The following SDK2 variants were observed in gnomAD, a reference collection of about 807,000 sequenced individuals.
The protein encoded by SDK2 is sidekick cell adhesion molecule 2.
SDK2 carries 105 observed loss-of-function variants against 253.9 expected under a neutral mutation model. The ratio of observed to expected loss-of-function variants is 0.41; its 90% CI spans 0.35 to 0.49. The LOEUF is 0.49. SDK2 is among the 20% of genes least tolerant of loss of function. The pLI, the probability that SDK2 is intolerant of heterozygous loss-of-function variation, is 0.06. For synonymous variants in SDK2, 1,249 were observed against 1,234.9 expected, an observed-to-expected ratio of 1.01 and a Z score of -0.24; for missense variants, 2,608 against 3,003.0, an observed-to-expected ratio of 0.87 and a Z score of 3.07.
Position 73,337,482 on chromosome 17 carries a change from T to C in SDK2, c.*1105A>G, listed in dbSNP as rs2062389783. On this transcript the variant is annotated 3_prime_UTR_variant, in exon 45 of 45. Transcript: ENST00000392650. ...TTCTGGAGAGGATCCCTAGACCCTG[T>C]TCCTTGTAAGTGCATGGGAGATGTG... 1 of 148,840 alleles carries C rather than the reference T, an allele frequency of 6.7e-6. No homozygotes were observed. The allele number at this position is 148,840 out of a possible 1,614,324, so 9.2% of individuals were successfully genotyped here. A position where few individuals can be genotyped will look rare whatever the true frequency, so the allele number is the denominator to read the frequency against.
intron 1 of SDK2, among the ~76,000 whole-genome samples, chr17:73,515,402 C>A (rs1214464848): frequency 6.6e-6 from 1 of 152,192 alleles, no homozygotes; most frequent in Non-Finnish European, 1.5e-5. Flanking sequence ...CTCCAGCCTG[C>A]GATGTCACAG....
In SDK2 at chr17:73,361,690, C is replaced by T. The variant is rs541199916; in HGVS notation, c.5461G>A (p.Gly1821Arg). 137 of 1,611,448 alleles carry T rather than the reference C, an allele frequency of 8.5e-5. No homozygotes were observed. The South Asian group carries it at 1.4e-3, about 16-fold the overall frequency. Residue 1821 changes from glycine (G) to arginine (R), a missense_variant, in exon 39 of 45, where the codon GGA (glycine) becomes AGA (arginine). Physicochemically the swap from Gly to Arg is moderately radical, Grantham distance 125. This residue lies in a region of SDK2 where 1,103 missense variants were observed against 1,143.9 expected (regional missense o/e 0.96). Transcript: ENST00000392650. This position sits in a 1 kb window ranked among gnomAD's most constrained non-coding sequence, Gnocchi z 4.1. ...TGGTCCGTTGCTCTCCTACCTTCTCCGGGGCCCGTGGTGACGTTGGCTTCG... is the reference window on the plus strand; with the variant it reads ...TGGTCCGTTGCTCTCCTACCTTCTCTGGGGCCCGTGGTGACGTTGGCTTCG... ...EIEANVTTGPGEGAPGPPGVP... is the reference protein window; with the variant it reads ...EIEANVTTGPREGAPGPPGVP...
intron 32 of SDK2, among the ~76,000 whole-genome samples, chr17:73,385,610 G>A (rs1323511953): frequency 6.6e-6 from 1 of 152,204 alleles, no homozygotes; most frequent in Non-Finnish European, 1.5e-5. Context: ...GCACCTGCCT[G>A]ATGTGACTAT....
At chr17:73,461,977 T>C (rs1055439431) in intron 3 of SDK2, among the ~76,000 whole-genome samples, 9 of 152,118 alleles carry the variant, frequency 5.9e-5, no homozygotes, top group Non-Finnish European at 2.9e-5. Context: ...TGGTTACATA[T>C]GCATGTATGC....
intron 29 of SDK2, among the ~76,000 whole-genome samples, chr17:73,388,413 C>T (rs1379951732): frequency 2.6e-5 from 4 of 152,204 alleles, no homozygotes; most frequent in South Asian, 2.1e-4. Flanking sequence ...TGTTTCCCTA[C>T]GAGAAGCGCT....
Position 73,361,037 on chromosome 17 carries a change from C to G in SDK2, c.5467+647G>C, listed in dbSNP as rs1403421129. 6.5e-5 allele frequency among the ~76,000 whole-genome samples: 7 copies of G among 107,266 alleles called. No homozygotes were observed. The highest frequency in any genetic ancestry group is 2.5e-4 in the African/African-American group (7 of 27,950). 70.4% of individuals were successfully genotyped at this position (107,266 alleles called of 152,430 possible). A position where few individuals can be genotyped will look rare whatever the true frequency, so the allele number is the denominator to read the frequency against. On this transcript the variant is annotated intron_variant, in intron 39 of 44. Coordinates refer to ENST00000392650, the MANE Select transcript of SDK2 (RefSeq NM_001144952.2). This position sits in a 1 kb window ranked among gnomAD's most constrained non-coding sequence, Gnocchi z 4.1. The stretch of plus-strand genomic sequence containing the variant: ...GGGCGGGCAGTTACACACAAAAGGG[C>G]GTTCTGCGGAGGGGGTGGGTGGTGA...
At chr17:73,562,120 C>T (rs138705826) in intron 1 of SDK2, among the ~76,000 whole-genome samples, 149 of 151,896 alleles carry the variant, frequency 9.8e-4, no homozygotes, top group Non-Finnish European at 1.9e-3. Flanking sequence ...AGCGAAACTC[C>T]GTCTCAAAAA....
rs140824189 is a variant in SDK2 at position 73,395,163 on chromosome 17, C to T, written c.3584G>A (p.Arg1195Gln). The T allele has an allele frequency of 5.5e-5, 88 of 1,591,330 alleles. No individual in the cohort carries two copies. Among genetic ancestry groups the T allele is most frequent in the Non-Finnish European group, 6.0e-5 (70 of 1,170,568 alleles). ...GTGTGAGGGGTTGGTACCTGACTCC[C>T]GGGTCCTGCCCACCACCGTCTGGCT... is the stretch of plus-strand genomic sequence containing the variant. ...PWSQTVVGRT[R>Q]ESVPSSGPTN... The change falls in exon 25 of 45, where the codon CGG becomes CAG. Residue 1195 changes from arginine to glutamine, a missense_variant. Physicochemically the swap from Arg to Gln is conservative, Grantham distance 43. Around this residue, in one of 2 missense-constraint regions of SDK2, gnomAD observed 1,505 missense variants for 1,859.1 expected, o/e 0.81. Transcript: ENST00000392650. The surrounding 1 kb of genome is among the most constrained non-coding windows in gnomAD (Gnocchi z 4.3).
intron 40 of SDK2, among the ~76,000 whole-genome samples, chr17:73,353,521 A>C: frequency 6.6e-6 from 1 of 152,034 alleles, no homozygotes; most frequent in Non-Finnish European, 1.5e-5. Context: ...CCCGAGTTCA[A>C]GCGATTCTCC....
At position 73,343,419 on chromosome 17, in the gene SDK2, G is replaced by A. The variant is rs2062456529; in HGVS notation, c.6166-4479C>T. 2.0e-5 allele frequency among the ~76,000 whole-genome samples: 3 copies of A among 152,276 alleles called. No homozygotes were observed. The South Asian group carries it at 6.2e-4, about 31-fold the overall frequency. On this transcript the variant is annotated intron_variant, in intron 44 of 44. Transcript: ENST00000392650. ...TCTGTTTCTTTTCGGAGTGGGGGTA[G>A]GGCGAGAAGAGAAGAAAGCGAGGGG...
At chr17:73,490,320 T>A (rs2063796991) in intron 2 of SDK2, among the ~76,000 whole-genome samples, 2 of 152,086 alleles carry the variant, frequency 1.3e-5, no homozygotes, top group African/African-American at 4.8e-5. Context: ...CACAAAGGCG[T>A]CCCAAGTCAA....
intron 26 of SDK2, among the ~76,000 whole-genome samples, chr17:73,393,951 A>G (rs1018238952): frequency 6.6e-6 from 1 of 152,222 alleles, no homozygotes; most frequent in Non-Finnish European, 1.5e-5. Flanking sequence ...AACAGAGCTG[A>G]GTGAGGCTGG....
chr17:73,567,499 C>T (rs549351029), intron 1 of SDK2, among the ~76,000 whole-genome samples: 14 of 152,248 alleles, frequency 9.2e-5, no homozygotes, highest in Non-Finnish European at 1.6e-4. Flanking sequence ...CCTGGTGAAG[C>T]TGTGGAAATG....
chr17:73,402,887 T>G (rs2063040257), intron 18 of SDK2, among the ~76,000 whole-genome samples: 1 of 152,138 alleles, frequency 6.6e-6, no homozygotes, highest in Admixed American at 6.5e-5. Context: ...AACCTCTGCC[T>G]CCCGGGTTCA....
chr17:73,540,378 C>T (rs2044848786), intron 1 of SDK2, among the ~76,000 whole-genome samples: 1 of 152,206 alleles, frequency 6.6e-6, no homozygotes, highest in South Asian at 2.1e-4. Context: ...GAACTTTACA[C>T]ACACACACAG....
rs775632022 is a variant in SDK2 at position 73,350,245 on chromosome 17, C to T, written c.6030G>A (p.Leu2010=). The part of the protein sequence containing the change: ...VKNSFCRKNG[L]YTRSPPRPSP... ...CGCAGAGGGCCCAGTACCTGGTGTA[C>T]AGGCCGTTCTTTCGGCAGAAAGAGT... is the stretch of plus-strand genomic sequence containing the variant. The change falls in exon 43 of 45, where the codon CTG becomes CTA. Residue 2010 remains leucine, a synonymous_variant. Transcript: ENST00000392650. 4 of 1,594,202 alleles carry T rather than the reference C, an allele frequency of 2.5e-6. No individual in the cohort carries two copies. The highest frequency in any genetic ancestry group is 1.3e-5 in the African/African-American group (1 of 74,780).
intron 1 of SDK2, among the ~76,000 whole-genome samples, chr17:73,510,531 G>A (rs371069455): frequency 4.6e-5 from 7 of 152,250 alleles, no homozygotes; most frequent in Admixed American, 2.6e-4. Context: ...ACAGGGTCTC[G>A]GTCGGTTGCC....
intron 36 of SDK2, among the ~76,000 whole-genome samples, chr17:73,373,900 G>T (rs767560608): frequency 5.4e-5 from 8 of 147,488 alleles, no homozygotes; most frequent in Non-Finnish European, 1.2e-4. Flanking sequence ...GCTTCCCAAA[G>T]TGCTGGGATT....
At chr17:73,426,771 G>A (rs1177016682) in intron 12 of SDK2, among the ~76,000 whole-genome samples, 1 of 152,208 alleles carries the variant, frequency 6.6e-6, no homozygotes, top group Non-Finnish European at 1.5e-5. Flanking sequence ...TTTAGTTGCA[G>A]AGAGTAATTC....
Sources: gnomAD v4.1 joint callset for allele counts (sites outside exome capture counted in the v4.1 genomes callset) on GRCh38, gnomAD v4.1.1 for gene constraint, gnomAD v4.1.1 regional missense constraint, Gnocchi (gnomAD v3.1) non-coding constraint, MANE v1.5 for transcripts, NCBI Gene and HGNC (gene_info 2026-07-23, HGNC 2026-07-21) for gene names.